The following WNT11 variants were observed in gnomAD, a reference collection of about 807,000 sequenced individuals.
The protein encoded by WNT11 is Wnt family member 11.
Under a neutral mutation model 35.6 loss-of-function variants are expected in WNT11, and 20 were observed. The observed-to-expected ratio is 0.56, with a 90% CI of 0.40 to 0.82. The LOEUF (loss-of-function observed/expected upper bound fraction) is 0.82, where lower values mean the gene tolerates loss of function less well. Among genes scored for constraint, WNT11 ranks in the 40% least tolerant of loss-of-function variants. The probability of loss-of-function intolerance (pLI) is 0.00; values close to 1 mark genes in which losing one functional copy is unlikely to be tolerated. For synonymous variants in WNT11, 200 were observed against 211.9 expected, an observed-to-expected ratio of 0.94 and a Z score of 0.49; for missense variants, 459 against 504.4, an observed-to-expected ratio of 0.91 and a Z score of 0.86.
chr11:76,187,747 G>A (rs552777351), intron 4 of WNT11, among the ~76,000 whole-genome samples: 166 of 152,312 alleles, frequency 1.1e-3, no homozygotes, highest in Non-Finnish European at 1.5e-3. Flanking sequence ...GCCTTCCAAA[G>A]TGCTAGGATT....
At chr11:76,204,524 C>T (rs766393771) in intron 1 of WNT11, among the ~76,000 whole-genome samples, 2 of 152,224 alleles carry the variant, frequency 1.3e-5, no homozygotes, top group Non-Finnish European at 2.9e-5. Context: ...CTGGCCTATG[C>T]ATCTCCCTTA....
At chr11:76,208,490 C>T (rs1006560614), upstream of WNT11, among the ~76,000 whole-genome samples, 18 of 152,334 alleles carry the variant, frequency 1.2e-4, no homozygotes, top group African/African-American at 4.3e-4. Context: ...GTTTCTTGCA[C>T]TTCTCAGAAC....
intron 1 of WNT11, among the ~76,000 whole-genome samples, chr11:76,198,524 C>G (rs1262565778): frequency 3.3e-5 from 5 of 152,204 alleles, no homozygotes; most frequent in Non-Finnish European, 7.3e-5. Context: ...ATGCCTTTGC[C>G]CAAGCTTTTC....
At chr11:76,207,181 G>A (rs1188139035), upstream of WNT11, among the ~76,000 whole-genome samples, 1 of 152,090 alleles carries the variant, frequency 6.6e-6, no homozygotes, top group Non-Finnish European at 1.5e-5. Flanking sequence ...GCCCAACATG[G>A]CAAAACCCCG....
chr11:76,195,991 C>T (rs563291814), intron 2 of WNT11, among the ~76,000 whole-genome samples: 2 of 152,322 alleles, frequency 1.3e-5, no homozygotes, highest in South Asian at 2.1e-4. Flanking sequence ...CCACCTCCTG[C>T]AGGAAGTCTT....
At chr11:76,210,648 C>G, upstream of WNT11, 1 of 985,250 alleles carries the variant, frequency 1.0e-6, no homozygotes, top group African/African-American at 1.7e-5. Flanking sequence ...CTGCGGCCGG[C>G]TCAGGACCCG....
intron 4 of WNT11, among the ~76,000 whole-genome samples, chr11:76,189,855 G>GA (rs1396785412): frequency 1.3e-5 from 2 of 152,216 alleles, no homozygotes; most frequent in Non-Finnish European, 2.9e-5. Context: ...AGAAATTGGG[G>GA]GTGTTTGTTA....
intron 2 of WNT11, chr11:76,195,071 T>C (rs1953259814): frequency 1.8e-6 from 1 of 541,424 alleles, no homozygotes; most frequent in East Asian, 2.9e-5. Context: ...CTCACCCACG[T>C]CCTCCTACTC....
chr11:76,202,466 C>A (rs576275587), intron 1 of WNT11, among the ~76,000 whole-genome samples: 1 of 152,286 alleles, frequency 6.6e-6, no homozygotes, highest in African/African-American at 2.4e-5. Flanking sequence ...CTTTCCTGGG[C>A]CCCACCTCAT....
intron 4 of WNT11, among the ~76,000 whole-genome samples, chr11:76,188,312 C>T (rs1366929007): frequency 6.6e-6 from 1 of 152,216 alleles, no homozygotes. Context: ...AACTTGGGGA[C>T]TAAAACTAAG....
intron 1 of WNT11, among the ~76,000 whole-genome samples, chr11:76,197,303 A>G (rs1337425867): frequency 6.6e-6 from 1 of 152,266 alleles, no homozygotes; most frequent in Non-Finnish European, 1.5e-5. Context: ...ATAAAGGATT[A>G]AAGAGCCACT....
chr11:76,200,459 C>G (rs1953357642), intron 1 of WNT11, among the ~76,000 whole-genome samples: 1 of 152,236 alleles, frequency 6.6e-6, no homozygotes, highest in Admixed American at 6.5e-5. Flanking sequence ...CCACCTCCAC[C>G]CAGCAAACCC....
chr11:76,204,553 T>A (rs190675222), intron 1 of WNT11, among the ~76,000 whole-genome samples: 8 of 152,324 alleles, frequency 5.3e-5, no homozygotes, highest in African/African-American at 1.7e-4. Flanking sequence ...TGATCACTCC[T>A]CCTCTGGGCT....
At chr11:76,193,122 G>A (rs993537882) in intron 3 of WNT11, among the ~76,000 whole-genome samples, 2 of 152,244 alleles carry the variant, frequency 1.3e-5, no homozygotes, top group African/African-American at 2.4e-5. Flanking sequence ...GCAGGGCACC[G>A]AGGCACTGGT....
intron 4 of WNT11, among the ~76,000 whole-genome samples, chr11:76,190,213 G>T (rs1327262049): frequency 6.6e-6 from 1 of 152,102 alleles, no homozygotes; most frequent in East Asian, 1.9e-4. Context: ...AAGTCCCCCT[G>T]TTGGGAAGCT....
At chr11:76,195,665 A>G (rs1953272117) in intron 2 of WNT11, among the ~76,000 whole-genome samples, 1 of 152,222 alleles carries the variant, frequency 6.6e-6, no homozygotes. Context: ...TACGGCACTC[A>G]GGAGCCTCAG....
intron 1 of WNT11, among the ~76,000 whole-genome samples, chr11:76,198,023 G>T (rs980498788): frequency 6.6e-6 from 1 of 152,194 alleles, no homozygotes; most frequent in South Asian, 2.1e-4. Context: ...TGAGTGCCCC[G>T]CCTGCTGTGG....
At chr11:76,196,254 C>T (rs1953284129) in intron 2 of WNT11, among the ~76,000 whole-genome samples, 1 of 152,212 alleles carries the variant, frequency 6.6e-6, no homozygotes, top group Admixed American at 6.5e-5. Context: ...GATGATATCG[C>T]CACTCATCTG....
In WNT11 at chr11:76,204,258, C is replaced by T. The variant is rs546582382; in HGVS notation, c.83+2067G>A. Among the ~76,000 whole-genome samples the T allele has an allele frequency of 3.3e-5, 5 of 152,332 alleles. No individual in the cohort carries two copies. In the East Asian group the frequency reaches 9.6e-4, roughly 29 times the overall value. On this transcript the variant is annotated intron_variant, in intron 1 of 4. Transcript: ENST00000322563. ...CCCACCTCCCCCTCTATCTTAAACT[C>T]TAGCAAGACTTTAATCCCCTATTGC...
Sources: allele counts gnomAD v4.1 joint callset (sites outside exome capture counted in the v4.1 genomes callset), GRCh38; gene constraint gnomAD v4.1.1; transcripts MANE v1.5; gene names NCBI Gene and HGNC (gene_info 2026-07-23, HGNC 2026-07-21).